COL4A4: variants seen among roughly 807,000 people sequenced by gnomAD.
COL4A4 encodes the protein collagen type IV alpha 4 chain.
In COL4A4, 105 loss-of-function variants were observed where a neutral mutation model predicts 192.9. The ratio of observed to expected loss-of-function variants is 0.54; its 90% CI spans 0.46 to 0.64. COL4A4 has a LOEUF of 0.64. Ranked by LOEUF, COL4A4 falls within the 30% of genes least tolerant of loss-of-function variation. COL4A4 has a pLI of 0.00. For missense variants in COL4A4, 1,967 were observed against 2,169.3 expected, an observed-to-expected ratio of 0.91 and a Z score of 1.85; for synonymous variants, 762 against 769.9, an observed-to-expected ratio of 0.99 and a Z score of 0.17.
intron 23 of COL4A4, among the ~76,000 whole-genome samples, chr2:227,081,575 G>T (rs1270736396): frequency 6.6e-6 from 1 of 152,142 alleles, no homozygotes; most frequent in African/African-American, 2.4e-5. Context: ...TTGCTCCTCA[G>T]CTTGCAGACA....
intron 12 of COL4A4, among the ~76,000 whole-genome samples, chr2:227,105,188 AT>A (rs36065792): frequency 0.082 from 8,510 of 103,690 alleles, 211 homozygotes; most frequent in African/African-American, 0.23. Flanking sequence ...CAGGATCCTG[AT>A]TTTTTTTTTT....
chr2:227,086,121 G>A (rs892965791), intron 22 of COL4A4, among the ~76,000 whole-genome samples: 6 of 152,174 alleles, frequency 3.9e-5, no homozygotes, highest in African/African-American at 1.4e-4. Flanking sequence ...AGAGCATCCT[G>A]GCCGGAAATC....
At chr2:227,011,551 G>T (rs1345788948) in intron 45 of COL4A4, among the ~76,000 whole-genome samples, 1 of 152,180 alleles carries the variant, frequency 6.6e-6, no homozygotes, top group African/African-American at 2.4e-5. Flanking sequence ...TTGCATCCCT[G>T]GCCAGGGACT....
chr2:227,084,490 G>A (rs888056641), intron 22 of COL4A4, among the ~76,000 whole-genome samples: 2 of 152,286 alleles, frequency 1.3e-5, no homozygotes, highest in African/African-American at 2.4e-5. Context: ...AAGTACTAGA[G>A]TAGATCATAG....
chr2:227,125,529 GA>G (rs796180530), intron 4 of COL4A4, among the ~76,000 whole-genome samples: 40 of 144,516 alleles, frequency 2.8e-4, no homozygotes, highest in East Asian at 4.0e-4. Context: ...ACTTCGGGAG[GA>G]AAAAAAAAAA....
At position 227,109,223 on chromosome 2, in the gene COL4A4, C is replaced by A. The variant is rs1553688696; in HGVS notation, c.657+1G>T. ...GATCACATCAGCAGTGCTGTACTTA[C>A]CACTAACCCTGGCTCTCCAGGATAT... On this transcript the variant is annotated splice_donor_variant, in intron 10 of 47. Coordinates refer to ENST00000396625, the MANE Select transcript of COL4A4 (RefSeq NM_000092.5). LOFTEE classifies it high-confidence loss of function. 6.2e-7 allele frequency: 1 copy of A among 1,613,334 alleles called. No individual in the cohort carries two copies. The highest frequency in any genetic ancestry group is 8.5e-7 in the Non-Finnish European group (1 of 1,179,250).
At chr2:226,981,569 T>TACACAC in the COL4A4 span, among the ~76,000 whole-genome samples, 260 of 150,266 alleles carry the variant, frequency 1.7e-3, 1 homozygote, top group African/African-American at 5.8e-3. Flanking sequence ...TGCACACACA[T>TACACAC]ACACACACAC....
chr2:227,077,696 T>C (rs1009893688), intron 25 of COL4A4, among the ~76,000 whole-genome samples, 198 bp downstream of exon 25: 77 of 142,522 alleles, frequency 5.4e-4, no homozygotes, highest in Admixed American at 1.2e-3. Context: ...ACTTGAATAC[T>C]GAGAAAAAAA....
intron 35 of COL4A4, among the ~76,000 whole-genome samples, chr2:227,045,975 G>GTATATATTTATA: frequency 2.5e-5 from 1 of 40,180 alleles, no homozygotes; most frequent in African/African-American, 1.2e-4. Flanking sequence ...ATTTATATGT[G>GTATATATTTATA]TATATGTATA....
chr2:227,046,075 A>ATAC (rs1289885147), intron 35 of COL4A4, among the ~76,000 whole-genome samples: 58 of 138,494 alleles, frequency 4.2e-4, no homozygotes, highest in African/African-American at 1.7e-3. Context: ...ATACATATAT[A>ATAC]TATTTAGATA....
At chr2:227,131,089 C>T (rs1478215358) in intron 4 of COL4A4, among the ~76,000 whole-genome samples, 1 of 152,108 alleles carries the variant, frequency 6.6e-6, no homozygotes, top group East Asian at 1.9e-4. Context: ...TCTGCTTCTT[C>T]CCTTCTTAAA....
intron 43 of COL4A4, among the ~76,000 whole-genome samples, chr2:227,024,282 G>T (rs775521588): frequency 8.5e-5 from 13 of 152,178 alleles, no homozygotes; most frequent in Non-Finnish European, 1.5e-4. Flanking sequence ...AGGCCGAGGC[G>T]GGTGGACTGC....
At chr2:227,143,486 G>A (rs539085555) in intron 3 of COL4A4, among the ~76,000 whole-genome samples, 2 of 152,262 alleles carry the variant, frequency 1.3e-5, no homozygotes, top group East Asian at 3.9e-4. Context: ...CTCCCTGTGT[G>A]AAATCTCTAG....
chr2:227,037,997 T>A (rs1351137855), intron 37 of COL4A4, among the ~76,000 whole-genome samples: 6 of 152,182 alleles, frequency 3.9e-5, no homozygotes, highest in Non-Finnish European at 7.3e-5. Flanking sequence ...ATTGCAAAAA[T>A]TTTCTCCCAT....
chr2:226,988,651 A>T, the COL4A4 span: 1 of 985,192 alleles, frequency 1.0e-6, no homozygotes, highest in Non-Finnish European at 1.2e-6. Flanking sequence ...TCTGAGAGGA[A>T]GGTAGGATTT....
At chr2:226,981,232 G>A in the COL4A4 span, among the ~76,000 whole-genome samples, 4 of 152,172 alleles carry the variant, frequency 2.6e-5, no homozygotes, top group African/African-American at 7.2e-5. Flanking sequence ...TGAGGGATGG[G>A]GGAGGGATAG....
chr2:227,037,946 G>A (rs1019828359), intron 37 of COL4A4, among the ~76,000 whole-genome samples: 1 of 152,094 alleles, frequency 6.6e-6, no homozygotes, highest in Admixed American at 6.5e-5. Context: ...TTTCTTTCTT[G>A]TAAATTTGTT....
At position 227,128,027 on chromosome 2, in the gene COL4A4, T is replaced by C. The variant is rs191105843; in HGVS notation, c.193-6879A>G. The stretch of plus-strand genomic sequence containing the variant: ...TTATTAGGCTTGGTTATGGATTATG[T>C]GGCTGCCATGCTCCATACCTTACCT... On this transcript the variant is annotated intron_variant, in intron 4 of 47. Transcript: ENST00000396625. 5.3e-5 allele frequency among the ~76,000 whole-genome samples: 8 copies of C among 152,360 alleles called. No homozygotes were observed. The East Asian group carries it at 1.5e-3, about 29-fold the overall frequency.
At chr2:227,150,635 T>C (rs961412162) in intron 1 of COL4A4, among the ~76,000 whole-genome samples, 1 of 152,194 alleles carries the variant, frequency 6.6e-6, no homozygotes, top group Non-Finnish European at 1.5e-5. Flanking sequence ...TTCCGCATGG[T>C]TGGGGAGGCC....
Sources: allele counts gnomAD v4.1 joint callset (sites outside exome capture counted in the v4.1 genomes callset), GRCh38; gene constraint gnomAD v4.1.1; transcripts MANE v1.5; gene names NCBI Gene and HGNC (gene_info 2026-07-23, HGNC 2026-07-21).